The following POLR3B variants were observed in gnomAD, a reference collection of about 807,000 sequenced individuals.
The protein encoded by POLR3B is DNA-directed RNA polymerase III subunit RPC2.
A neutral mutation model predicts 147.4 loss-of-function variants in POLR3B; 96 were observed. The ratio of observed to expected loss-of-function variants is 0.65; its 90% CI spans 0.55 to 0.77. The LOEUF is 0.77. POLR3B is among the 30% of genes least tolerant of loss of function. The probability of loss-of-function intolerance (pLI) is 0.00; values close to 1 mark genes in which losing one functional copy is unlikely to be tolerated. For synonymous variants in POLR3B, 461 were observed against 485.9 expected (o/e 0.95, Z 0.67); for missense variants, 1,036 against 1,413.5 (o/e 0.73, Z 4.28).
intron 23 of POLR3B, among the ~76,000 whole-genome samples, chr12:106,487,736 G>C (rs2038358827): frequency 6.6e-6 from 1 of 152,142 alleles, no homozygotes; most frequent in Non-Finnish European, 1.5e-5. Flanking sequence ...CTTCAAAGGT[G>C]GTAGGATAAT....
intron 23 of POLR3B, 70 bp from the exon 24 acceptor site, chr12:106,495,985 C>T (rs2038475728): frequency 1.1e-6 from 1 of 890,974 alleles, no homozygotes; most frequent in Admixed American, 1.7e-5. Flanking sequence ...GCGGGGAGAT[C>T]CCAATTAAGT....
At chr12:106,435,111 T>C (rs2037560008) in intron 16 of POLR3B, among the ~76,000 whole-genome samples, 1 of 150,698 alleles carries the variant, frequency 6.6e-6, no homozygotes, top group Non-Finnish European at 1.5e-5. Flanking sequence ...TTTTCTTTGA[T>C]TCTTATCCTT....
chr12:106,389,091 C>G (rs923565586), intron 9 of POLR3B, among the ~76,000 whole-genome samples: 3 of 152,130 alleles, frequency 2.0e-5, no homozygotes, highest in Admixed American at 6.5e-5. Context: ...CCATATAAAG[C>G]CAGTTTTCAG....
rs1458873206 is a variant in POLR3B, at chr12:106,496,785, G to A, written c.2851G>A (p.Ala951Thr). ...GCTCATTGAGCTGCTGGCTGGCAAG[G>A]CCGGTGTGCTGGACGGCAGATTCCA... ...GKLIELLAGK[A>T]GVLDGRFHYG... The change falls in exon 25 of 28, where the codon GCC (alanine) becomes ACC (threonine). Residue 951 changes from alanine to threonine, a missense_variant. Physicochemically the swap from Ala to Thr is moderately conservative, Grantham distance 58. This residue lies in a region of POLR3B where 88 missense variants were observed against 87.5 expected (regional missense o/e 1.01). Coordinates refer to ENST00000228347, the MANE Select transcript of POLR3B (RefSeq NM_018082.6). The A allele has an allele frequency of 1.2e-6, 2 of 1,614,168 alleles. No homozygotes were observed. Among genetic ancestry groups the A allele is most frequent in the Non-Finnish European group, 1.7e-6 (2 of 1,180,032 alleles).
chr12:106,497,461 G>A (rs1260235131), intron 25 of POLR3B, among the ~76,000 whole-genome samples: 2 of 151,988 alleles, frequency 1.3e-5, no homozygotes, highest in Admixed American at 6.5e-5. Context: ...GTGAGACCTC[G>A]TCTCAAAAAA....
chr12:106,460,623 A>C (rs10778475), intron 22 of POLR3B, among the ~76,000 whole-genome samples: 59,766 of 152,066 alleles, frequency 0.39, 13,919 homozygotes, highest in African/African-American at 0.65. Flanking sequence ...ACAGTATGAA[A>C]AGCTATTTTG....
chr12:106,360,943 C>T (rs1435920273), intron 1 of POLR3B, among the ~76,000 whole-genome samples: 3 of 152,092 alleles, frequency 2.0e-5, no homozygotes, highest in African/African-American at 7.2e-5. Context: ...GGATGTGATG[C>T]CTGAACTGAG....
At chr12:106,368,696 C>CATT (rs2036563592) in intron 4 of POLR3B, among the ~76,000 whole-genome samples, 1 of 151,572 alleles carries the variant, frequency 6.6e-6, no homozygotes, top group Non-Finnish European at 1.5e-5. Context: ...GGGTTACTTA[C>CATT]ATTAGTTCTT....
At chr12:106,401,702 C>T (rs1044366556) in intron 10 of POLR3B, among the ~76,000 whole-genome samples, 19 of 152,078 alleles carry the variant, frequency 1.2e-4, no homozygotes, top group African/African-American at 2.2e-4. Flanking sequence ...ACAGAACCAA[C>T]GACAAAAACC....
At chr12:106,455,123 A>G (rs1241594380) in intron 20 of POLR3B, among the ~76,000 whole-genome samples, 3 of 152,206 alleles carry the variant, frequency 2.0e-5, no homozygotes, top group African/African-American at 7.2e-5. Context: ...GCTGTTTCTT[A>G]TTTGTGTAAC....
intron 6 of POLR3B, among the ~76,000 whole-genome samples, chr12:106,375,437 T>C (rs957928801): frequency 3.3e-5 from 5 of 152,214 alleles, no homozygotes; most frequent in African/African-American, 1.2e-4. Flanking sequence ...TTTCGCCATC[T>C]AGAAGTCTGA....
At chr12:106,409,758 A>G (rs1166856722) in intron 11 of POLR3B, among the ~76,000 whole-genome samples, 3 of 152,034 alleles carry the variant, frequency 2.0e-5, no homozygotes, top group African/African-American at 7.3e-5. Context: ...ATTTTACTAA[A>G]TGATTAAGGT....
chr12:106,412,328 A>G (rs969042823), intron 12 of POLR3B, among the ~76,000 whole-genome samples: 1 of 152,192 alleles, frequency 6.6e-6, no homozygotes, highest in Non-Finnish European at 1.5e-5. Context: ...GCTTGGGTCA[A>G]TTGGGGATTT....
intron 23 of POLR3B, among the ~76,000 whole-genome samples, chr12:106,483,265 T>A (rs1456711811): frequency 6.6e-6 from 1 of 152,208 alleles, no homozygotes; most frequent in Non-Finnish European, 1.5e-5. Flanking sequence ...ACCTGTGTTA[T>A]TCAAGGGTCA....
intron 24 of POLR3B, chr12:106,496,371 T>C (rs997215599): frequency 1.1e-5 from 7 of 653,720 alleles, no homozygotes; most frequent in African/African-American, 7.2e-5. Context: ...ATACCTCCCT[T>C]TGAGAGTGGA....
intron 23 of POLR3B, among the ~76,000 whole-genome samples, chr12:106,487,050 C>T (rs888262980): frequency 2.6e-5 from 4 of 152,208 alleles, no homozygotes; most frequent in Non-Finnish European, 4.4e-5. Context: ...TAAGGAGCCA[C>T]ACAATAACCC....
chr12:106,482,337 A>G (rs1168752335), intron 23 of POLR3B, among the ~76,000 whole-genome samples: 1 of 152,222 alleles, frequency 6.6e-6, no homozygotes, highest in South Asian at 2.1e-4. Flanking sequence ...TCACACTGCT[A>G]TAAAGAAATA....
rs776828060 is a variant in POLR3B, at chr12:106,432,500, A to G, written c.1627+20A>G. The G allele has an allele frequency of 3.8e-6, 6 of 1,597,106 alleles. No individual in the cohort carries two copies. The highest frequency in any genetic ancestry group is 5.2e-6 in the Non-Finnish European group (6 of 1,164,714). On this transcript the variant is annotated intron_variant, in intron 15 of 27. Transcript: ENST00000228347. ...TTAATGGTGGGTATATTATAGAGAC[A>G]TGTTGGTCCTAGATAGTCTGTGAAG...
intron 23 of POLR3B, among the ~76,000 whole-genome samples, chr12:106,468,890 T>C (rs888734031): frequency 1.3e-5 from 2 of 152,188 alleles, no homozygotes; most frequent in Admixed American, 6.5e-5. Flanking sequence ...ATAAGTGCGA[T>C]GTGGTGCTGA....
Sources: gnomAD v4.1 joint callset for allele counts (sites outside exome capture counted in the v4.1 genomes callset) on GRCh38, gnomAD v4.1.1 for gene constraint, gnomAD v4.1.1 regional missense constraint, MANE v1.5 for transcripts, NCBI Gene and HGNC (gene_info 2026-07-23, HGNC 2026-07-21) for gene names.